The following F2 variants were observed in gnomAD, a reference collection of about 807,000 sequenced individuals.
F2 encodes the protein coagulation factor II, thrombin.
In F2, 34 loss-of-function variants were observed where a neutral mutation model predicts 81.9. The observed-to-expected ratio is 0.42, with a 90% CI of 0.32 to 0.55. F2 has a LOEUF of 0.55. F2 is among the 20% of genes least tolerant of loss of function. F2 has a pLI of 0.18. For missense variants in F2, 630 were observed against 833.4 expected (o/e 0.76, Z 3.00); for synonymous variants, 296 against 326.4 (o/e 0.91, Z 1.01).
In F2 at chr11:46,719,574, C is replaced by T. The variant is rs2064821957; in HGVS notation, c.80-128C>T. 1 of 1,309,088 alleles carries T rather than the reference C, an allele frequency of 7.6e-7. No homozygotes were observed. Among genetic ancestry groups the T allele is most frequent in the Non-Finnish European group, 1.1e-6 (1 of 945,254 alleles). The allele number at this position is 1,309,088 out of a possible 1,614,324, so 81.1% of individuals were successfully genotyped here. A position where few individuals can be genotyped will look rare whatever the true frequency, so the allele number is the denominator to read the frequency against. ...GCCACATTTAGCAGCCTTCCAGGCA[C>T]TTCCACCAGCCCAGACAGCCTCTCT... On this transcript the variant is annotated intron_variant, in intron 1 of 13. Coordinates refer to ENST00000311907, the MANE Select transcript of F2 (RefSeq NM_000506.5). The surrounding 1 kb of genome is among the most constrained non-coding windows in gnomAD (Gnocchi z 4.7).
intron 12 of F2, among the ~76,000 whole-genome samples, chr11:46,730,058 G>C (rs1372348550): frequency 6.6e-6 from 1 of 152,132 alleles, no homozygotes; most frequent in Admixed American, 6.6e-5. Context: ...TAAATAGGGT[G>C]GCCAGACAAG....
intron 6 of F2, among the ~76,000 whole-genome samples, chr11:46,724,021 C>T (rs1435863910): frequency 6.6e-6 from 1 of 152,154 alleles, no homozygotes; most frequent in Non-Finnish European, 1.5e-5. Flanking sequence ...CTCCTCCTCC[C>T]CCTCCCCACT....
In F2 at chr11:46,724,738, C is replaced by T. The variant is rs545737145; in HGVS notation, c.560-1121C>T. 2.7e-4 allele frequency among the ~76,000 whole-genome samples: 40 copies of T among 150,886 alleles called. No homozygotes were observed. In the South Asian group the frequency reaches 4.6e-3, roughly 17 times the overall value. ...GTGTTTGTTCTCTAGGCATCCCTGT[C>T]GGGCCCATTGCTCATTCCTGGGGTT... On this transcript the variant is annotated intron_variant, in intron 6 of 13. Transcript: ENST00000311907.
At position 46,719,808 on chromosome 11, in the gene F2, G is replaced by A. The variant is rs2064823920; in HGVS notation, c.186G>A (p.Glu62=). Residue 62 remains glutamate (E), a synonymous_variant, in exon 2 of 14, where the codon GAG becomes GAA. Transcript: ENST00000311907. This position sits in a 1 kb window ranked among gnomAD's most constrained non-coding sequence, Gnocchi z 4.7. ...GCAACCTGGAGCGAGAGTGCGTGGA[G>A]GAGACGTGCAGCTACGAGGAGGCCT... The part of the protein sequence containing the change: ...RKGNLERECV[E]ETCSYEEAFE... 1 of 1,593,540 alleles carries A rather than the reference G, an allele frequency of 6.3e-7. No homozygotes were observed. Among genetic ancestry groups the A allele is most frequent in the Non-Finnish European group, 8.5e-7 (1 of 1,170,880 alleles).
In F2 at chr11:46,735,656, C is replaced by T. The variant is rs187481936; in HGVS notation, c.1655-3392C>T. Reference sequence around the variant, plus strand: ...AAAAAAAATCGGCTGGGCGCGGTGGCTCACGCCTGTAATCCTAGCACTTTG... The same window carrying T: ...AAAAAAAATCGGCTGGGCGCGGTGGTTCACGCCTGTAATCCTAGCACTTTG... On this transcript the variant is annotated intron_variant, in intron 12 of 13. Coordinates refer to ENST00000311907, the MANE Select transcript of F2 (RefSeq NM_000506.5). 9.3e-3 allele frequency among the ~76,000 whole-genome samples: 1,401 copies of T among 150,022 alleles called. 15 individuals are homozygous for T. Among genetic ancestry groups the T allele is most frequent in the Non-Finnish European group, 0.016 (1,070 of 67,638 alleles).
At position 46,726,783 on chromosome 11, in the gene F2, A is replaced by G; in HGVS notation, c.1076A>G (p.Tyr359Cys). Residue 359 changes from tyrosine (Y) to cysteine (C), a missense_variant, in exon 9 of 14, where the codon TAC (tyrosine) becomes TGC (cysteine). Coordinates refer to ENST00000311907, the MANE Select transcript of F2 (RefSeq NM_000506.5). The surrounding 1 kb of genome is among the most constrained non-coding windows in gnomAD (Gnocchi z 5.9). ...ACCGAAAGAGAGCTCCTGGAATCCT[A>G]CATCGACGGGCGCATTGTGGAGGGC... Reference protein sequence around the residue: ...DKTERELLESYIDGRIVEGSD... With the variant: ...DKTERELLESCIDGRIVEGSD... 1 of 1,614,192 alleles carries G rather than the reference A, an allele frequency of 6.2e-7. No homozygotes were observed. Among genetic ancestry groups the G allele is most frequent in the Non-Finnish European group, 8.5e-7 (1 of 1,180,018 alleles).
At position 46,719,742 on chromosome 11, in the gene F2, G is replaced by A. The variant is rs1220750593; in HGVS notation, c.120G>A (p.Arg40=). ...APQQARSLLQ[R]VRRANTFLEE... ...AGCAAGCACGGTCGCTGCTCCAGCG[G>A]GTCCGGCGAGCCAACACCTTCTTGG... is the stretch of plus-strand genomic sequence containing the variant. Residue 40 remains arginine, a synonymous_variant, in exon 2 of 14, where the codon CGG becomes CGA. Transcript: ENST00000311907. The surrounding 1 kb of genome is among the most constrained non-coding windows in gnomAD (Gnocchi z 4.7). 6.3e-7 allele frequency: 1 copy of A among 1,595,858 alleles called. No individual in the cohort carries two copies. Among genetic ancestry groups the A allele is most frequent in the Non-Finnish European group, 8.5e-7 (1 of 1,172,504 alleles).
At chr11:46,731,555 G>T (rs2064911791) in intron 12 of F2, among the ~76,000 whole-genome samples, 1 of 145,146 alleles carries the variant, frequency 6.9e-6, no homozygotes, top group African/African-American at 2.7e-5. Flanking sequence ...TGTTAGTCTT[G>T]CTAATGTCTT....
At chr11:46,720,570 C>T (rs778448750) in intron 3 of F2, 23 bp downstream of exon 3, 1 of 1,614,036 alleles carries the variant, frequency 6.2e-7, no homozygotes, top group African/African-American at 1.3e-5. Context: ...AAGGATTTGC[C>T]CCAGGAAGGG....
chr11:46,728,459 C>T lies in F2; in HGVS notation c.1299-205C>T, dbSNP rs1374051598. 6.6e-6 allele frequency among the ~76,000 whole-genome samples: 1 copy of T among 152,180 alleles called. No individual in the cohort carries two copies. The highest frequency in any genetic ancestry group is 2.4e-5 in the African/African-American group (1 of 41,450). On this transcript the variant is annotated intron_variant, in intron 10 of 13. Coordinates refer to ENST00000311907, the MANE Select transcript of F2 (RefSeq NM_000506.5). The surrounding 1 kb of genome is among the most constrained non-coding windows in gnomAD (Gnocchi z 5.1). Reference sequence around the variant, plus strand: ...GTGCAGCCTGTGCCCCTGTCCCCGTCCTCCAGGCTGTCTGACTCCAAAGCC... The same window carrying T: ...GTGCAGCCTGTGCCCCTGTCCCCGTTCTCCAGGCTGTCTGACTCCAAAGCC...
intron 4 of F2, among the ~76,000 whole-genome samples, chr11:46,721,841 ATTT>A (rs1195063307): frequency 1.5e-5 from 2 of 130,012 alleles, no homozygotes; most frequent in Non-Finnish European, 1.6e-5. Context: ...CCATACTTTC[ATTT>A]TTTTTTTTTT....
chr11:46,720,863 G>C, intron 4 of F2, 23 bp downstream of exon 4: 1 of 1,613,342 alleles, frequency 6.2e-7, no homozygotes, highest in Non-Finnish European at 8.5e-7. Flanking sequence ...CACGGGTTTG[G>C]GGAGCAGGAC....
chr11:46,721,329 C>T (rs528905482), intron 4 of F2, among the ~76,000 whole-genome samples: 3 of 152,282 alleles, frequency 2.0e-5, no homozygotes, highest in African/African-American at 7.2e-5. Context: ...AGTGAGCCAC[C>T]GCGCCTGGCC....
chr11:46,732,423 C>T (rs912364802), intron 12 of F2, among the ~76,000 whole-genome samples: 12 of 149,024 alleles, frequency 8.1e-5, no homozygotes, highest in Admixed American at 2.0e-4. Flanking sequence ...GATGGAGTTT[C>T]GCCCATGTTG....
chr11:46,719,634 G>A lies in F2; in HGVS notation c.80-68G>A. ...GCAGGGGAGGGTGGGCTTGCTTCAT[G>A]CCCCCAGAATGGCCAAGACTGCCTG... On this transcript the variant is annotated intron_variant, in intron 1 of 13. Coordinates refer to ENST00000311907, the MANE Select transcript of F2 (RefSeq NM_000506.5). The surrounding 1 kb of genome is among the most constrained non-coding windows in gnomAD (Gnocchi z 4.7). 2 of 1,541,642 alleles carry A rather than the reference G, an allele frequency of 1.3e-6. No individual in the cohort carries two copies. The highest frequency in any genetic ancestry group is 1.8e-6 in the Non-Finnish European group (2 of 1,141,100).
At chr11:46,725,069 C>CTTTTTTT (rs71455298) in intron 6 of F2, among the ~76,000 whole-genome samples, 2 of 106,246 alleles carry the variant, frequency 1.9e-5, no homozygotes, top group Admixed American at 1.0e-4. Context: ...TGCGCCCGGC[C>CTTTTTTT]TTTTTTTTTT....
rs755036454 is a variant in F2 at position 46,726,273 on chromosome 11, C to T, written c.874+100C>T. On this transcript the variant is annotated intron_variant, in intron 7 of 13. Coordinates refer to ENST00000311907, the MANE Select transcript of F2 (RefSeq NM_000506.5). The surrounding 1 kb of genome is among the most constrained non-coding windows in gnomAD (Gnocchi z 5.9). ...TCGAACGCTTACCTCATTGAGTGCG[C>T]TCATTACAGCCTTACAGTAACCAGG... 19 of 1,503,846 alleles carry T rather than the reference C, an allele frequency of 1.3e-5. No individual in the cohort carries two copies. The highest frequency in any genetic ancestry group is 1.6e-5 in the Non-Finnish European group (18 of 1,105,768). The allele number at this position is 1,503,846 out of a possible 1,614,324, so 93.2% of individuals were successfully genotyped here.
Position 46,720,804 on chromosome 11 carries a change from A to T in F2, c.280A>T (p.Arg94Trp), listed in dbSNP as rs1270410728. The change falls in exon 4 of 14, where the codon AGG becomes TGG. Residue 94 changes from arginine to tryptophan, a missense_variant. Physicochemically the swap from Arg to Trp is moderately radical, Grantham distance 101. Transcript: ENST00000311907. Reference sequence around the variant, plus strand: ...GTCTTTTCCAGCTTGTGAGACAGCGAGGACGCCTCGAGATAAGCTTGCTGC... The same window carrying T: ...GTCTTTTCCAGCTTGTGAGACAGCGTGGACGCCTCGAGATAAGCTTGCTGC... Reference protein sequence around the residue: ...WAKYTACETARTPRDKLAACL... With the variant: ...WAKYTACETAWTPRDKLAACL... The T allele has an allele frequency of 6.2e-7, 1 of 1,614,020 alleles. No homozygotes were observed. The highest frequency in any genetic ancestry group is 8.5e-7 in the Non-Finnish European group (1 of 1,180,050).
At chr11:46,732,307 C>CATTT (rs2064918317) in intron 12 of F2, among the ~76,000 whole-genome samples, 1 of 152,282 alleles carries the variant, frequency 6.6e-6, no homozygotes, top group Admixed American at 6.5e-5. Context: ...ATTCCTTCTA[C>CATTT]ATTTGTTAGT....
Sources: gnomAD v4.1 joint callset for allele counts (sites outside exome capture counted in the v4.1 genomes callset) on GRCh38, gnomAD v4.1.1 for gene constraint, Gnocchi (gnomAD v3.1) non-coding constraint, MANE v1.5 for transcripts, NCBI Gene and HGNC (gene_info 2026-07-23, HGNC 2026-07-21) for gene names.